The following ENTPD1 variants were observed in gnomAD, a reference collection of about 807,000 sequenced individuals.
ENTPD1 encodes the protein ectonucleoside triphosphate diphosphohydrolase 1, also known as ATP diphosphohydrolase.
ENTPD1 carries 33 observed loss-of-function variants against 57.0 expected under a neutral mutation model. The ratio of observed to expected loss-of-function variants is 0.58; its 90% CI spans 0.44 to 0.77. The LOEUF (loss-of-function observed/expected upper bound fraction) is 0.77, where lower values mean the gene tolerates loss of function less well. Among genes scored for constraint, ENTPD1 ranks in the 30% least tolerant of loss-of-function variants. ENTPD1 has a pLI of 0.00. For synonymous variants in ENTPD1, 202 were observed against 218.8 expected (o/e 0.92, Z 0.68); for missense variants, 501 against 603.4 (o/e 0.83, Z 1.78).
At chr10:95,752,670 A>G, upstream of ENTPD1, among the ~76,000 whole-genome samples, 1 of 152,172 alleles carries the variant, frequency 6.6e-6, no homozygotes. Context: ...TGTCTCAAAA[A>G]AAAAGTTACC....
chr10:95,870,994 C>T lies in ENTPD1; in HGVS notation c.*4611C>T. On this transcript the variant is annotated 3_prime_UTR_variant, in exon 10 of 10. Transcript: ENST00000371205. ...GTCCAGTGGTTTCTAGGGATATGTT[C>T]TCATGATGAACCCCGCAGAGGCTCG... is the stretch of plus-strand genomic sequence containing the variant. 1.0e-6 allele frequency: 1 copy of T among 985,422 alleles called. No homozygotes were observed. The highest frequency in any genetic ancestry group is 1.2e-6 in the Non-Finnish European group (1 of 829,932). The allele number at this position is 985,422 out of a possible 1,614,324, so 61.0% of individuals were successfully genotyped here.
At chr10:95,801,530 G>C (rs2098249560) in intron 1 of ENTPD1, among the ~76,000 whole-genome samples, 1 of 151,336 alleles carries the variant, frequency 6.6e-6, no homozygotes, top group South Asian at 2.1e-4. Context: ...CTTATTTCTG[G>C]GTCCTCTATT....
chr10:95,711,215 C>T (rs76941118), upstream of ENTPD1, among the ~76,000 whole-genome samples: 2 of 152,156 alleles, frequency 1.3e-5, no homozygotes, highest in Non-Finnish European at 2.9e-5. Flanking sequence ...TGACCTGCCT[C>T]GTCTGACTGT....
intron 1 of ENTPD1, among the ~76,000 whole-genome samples, chr10:95,716,660 T>C (rs1042826518): frequency 6.6e-6 from 1 of 152,220 alleles, no homozygotes; most frequent in African/African-American, 2.4e-5. Context: ...GCTCCTGCCA[T>C]GTGATGCCAT....
rs746255836 is a variant in ENTPD1 at position 95,860,497 on chromosome 10, A to C, written c.1103A>C (p.Lys368Thr). The C allele has an allele frequency of 3.1e-6, 5 of 1,613,800 alleles. No individual in the cohort carries two copies. Among genetic ancestry groups the C allele is most frequent in the Non-Finnish European group, 4.2e-6 (5 of 1,179,772 alleles). The change falls in exon 8 of 10, where the codon AAG becomes ACG. Residue 368 changes from lysine to threonine, a missense_variant. Physicochemically the swap from Lys to Thr is moderately conservative, Grantham distance 78. Coordinates refer to ENST00000371205, the MANE Select transcript of ENTPD1 (RefSeq NM_001776.6). ...TTTTCAGCTTTTTACTTTGTGATGA[A>C]GTTTTTAAACTTGACATCAGAGAAA... The part of the protein sequence containing the change: ...GAFSAFYFVM[K>T]FLNLTSEKVS...
chr10:95,805,917 C>G (rs1435289317), intron 1 of ENTPD1, among the ~76,000 whole-genome samples: 1 of 152,182 alleles, frequency 6.6e-6, no homozygotes, highest in Non-Finnish European at 1.5e-5. Context: ...TCTGGCTGCC[C>G]TTAACATTTT....
At chr10:95,698,762 T>C in the ENTPD1 span, among the ~76,000 whole-genome samples, 1 of 152,246 alleles carries the variant, frequency 6.6e-6, no homozygotes, top group South Asian at 2.1e-4. Context: ...AATCAATTTT[T>C]TTCTTTATAA....
chr10:95,756,510 A>G (rs1419520018), intron 1 of ENTPD1: 2 of 487,406 alleles, frequency 4.1e-6, no homozygotes, highest in Non-Finnish European at 7.2e-6. Flanking sequence ...ATCAATTTGT[A>G]TTCAGAGTTG....
intron 1 of ENTPD1, among the ~76,000 whole-genome samples, chr10:95,758,002 CAAAAAAAAAA>C (rs57407553): frequency 7.6e-5 from 2 of 26,390 alleles, no homozygotes; most frequent in African/African-American, 9.6e-5. Flanking sequence ...GACACTGTCT[CAAAAAAAAAA>C]AAAAAAAAAA....
intron 1 of ENTPD1, among the ~76,000 whole-genome samples, chr10:95,718,168 G>A (rs554872917): frequency 1.1e-4 from 17 of 152,322 alleles, no homozygotes; most frequent in African/African-American, 2.9e-4. Context: ...GAGAGTGAAA[G>A]TTTTGGGTGA....
chr10:95,724,985 T>C (rs11188452), intron 1 of ENTPD1, among the ~76,000 whole-genome samples: 69,960 of 151,956 alleles, frequency 0.46, 16,533 homozygotes, highest in East Asian at 0.74. Context: ...TACATGTGTG[T>C]TGGGACACTT....
At chr10:95,738,629 C>T (rs547106799) in intron 1 of ENTPD1, among the ~76,000 whole-genome samples, 1 of 152,226 alleles carries the variant, frequency 6.6e-6, no homozygotes, top group East Asian at 1.9e-4. Flanking sequence ...TCACCTCAAA[C>T]CAAGACTCAC....
rs1227135100 is a variant in ENTPD1, at chr10:95,873,367, G to A, written c.*6984G>A. On this transcript the variant is annotated 3_prime_UTR_variant, in exon 10 of 10. Transcript: ENST00000371205. The stretch of plus-strand genomic sequence containing the variant: ...TCTTTTGTCAGTTGTCTGTGCCCCA[G>A]GAGATCCCTCTCTGCCTTGCCTTGC... 1 of 985,450 alleles carries A rather than the reference G, an allele frequency of 1.0e-6. No individual in the cohort carries two copies. Among genetic ancestry groups the A allele is most frequent in the African/African-American group, 1.7e-5 (1 of 57,228 alleles). The allele number at this position is 985,450 out of a possible 1,614,324, so 61.0% of individuals were successfully genotyped here.
chr10:95,704,387 CTTA>C, the ENTPD1 span, among the ~76,000 whole-genome samples: 1 of 152,088 alleles, frequency 6.6e-6, no homozygotes, highest in South Asian at 2.1e-4. Context: ...GATATCACAT[CTTA>C]TTATTAAGAT....
chr10:95,795,282 G>T (rs2140295471), intron 1 of ENTPD1, among the ~76,000 whole-genome samples: 1 of 152,124 alleles, frequency 6.6e-6, no homozygotes, highest in African/African-American at 2.4e-5. Context: ...AAAGGGTGAG[G>T]GTGGGGAAGG....
chr10:95,856,426 A>G (rs2098454814), intron 7 of ENTPD1, among the ~76,000 whole-genome samples: 5 of 152,130 alleles, frequency 3.3e-5, no homozygotes, highest in Admixed American at 1.3e-4. Context: ...ACTATGGAAA[A>G]CAGTATAGAG....
At position 95,870,350 on chromosome 10, in the gene ENTPD1, T is replaced by C. The variant is rs768497701; in HGVS notation, c.*3967T>C. The C allele has an allele frequency of 4.3e-6, 4 of 940,238 alleles. No individual in the cohort carries two copies. Among genetic ancestry groups the C allele is most frequent in the Non-Finnish European group, 3.8e-6 (3 of 788,618 alleles). The allele number at this position is 940,238 out of a possible 1,614,324, so 58.2% of individuals were successfully genotyped here. On this transcript the variant is annotated 3_prime_UTR_variant, in exon 10 of 10. Transcript: ENST00000371205. ...CCCAGGCTGGAATGCAGTGGCATGA[T>C]CATGGCTCACTGCAGCCTCGACCTC...
intron 6 of ENTPD1, 76 bp from the exon 7 acceptor site, chr10:95,847,370 T>A: frequency 4.5e-6 from 7 of 1,560,018 alleles, no homozygotes; most frequent in Non-Finnish European, 6.2e-6. Context: ...AGTGCCTACA[T>A]ATTGATTAAG....
At chr10:95,732,149 T>C (rs140895184) in intron 1 of ENTPD1, among the ~76,000 whole-genome samples, 116 of 152,166 alleles carry the variant, frequency 7.6e-4, no homozygotes, top group Non-Finnish European at 1.4e-3. Flanking sequence ...TTGAGACACA[T>C]GAGATAATTA....
Sources: gnomAD v4.1 joint callset for allele counts (sites outside exome capture counted in the v4.1 genomes callset) on GRCh38, gnomAD v4.1.1 for gene constraint, MANE v1.5 for transcripts, NCBI Gene and HGNC (gene_info 2026-07-23, HGNC 2026-07-21) for gene names.